Variants in TSNARE1 observed in about 807,000 individuals in gnomAD.
TSNARE1 encodes t-SNARE domain containing 1.
In TSNARE1, 49 loss-of-function variants were observed where a neutral mutation model predicts 62.0. That is an observed-to-expected ratio of 0.79 (90% CI 0.63 to 1.00). The LOEUF is 1.00. Among genes scored for constraint, TSNARE1 ranks in the 50% least tolerant of loss-of-function variants. TSNARE1 has a pLI of 0.00. For synonymous variants in TSNARE1, 328 were observed against 294.4 expected, an observed-to-expected ratio of 1.11 and a Z score of -1.17; for missense variants, 755 against 700.1, an observed-to-expected ratio of 1.08 and a Z score of -0.88.
chr8:142,398,857 C>A (rs764409675), intron 1 of TSNARE1, among the ~76,000 whole-genome samples: 4 of 152,166 alleles, frequency 2.6e-5, no homozygotes, highest in African/African-American at 4.8e-5. Flanking sequence ...ACAGGACCTA[C>A]CCAAGGACAA....
chr8:142,351,005 G>A (rs1251413694), intron 2 of TSNARE1, among the ~76,000 whole-genome samples: 1 of 152,242 alleles, frequency 6.6e-6, no homozygotes, highest in Non-Finnish European at 1.5e-5. Flanking sequence ...CAAACGTGCT[G>A]TCACAGTGGA....
At chr8:142,404,858 C>T (rs1427890708), upstream of TSNARE1, 1 of 152,326 alleles carries the variant, frequency 6.6e-6, no homozygotes, top group Non-Finnish European at 1.5e-5. Flanking sequence ...CCACCTCACT[C>T]AGCCTCCTCT....
chr8:142,315,131 G>T (rs766689838), intron 7 of TSNARE1, 39 bp from the exon 8 acceptor site: 2 of 1,607,602 alleles, frequency 1.2e-6, no homozygotes, highest in Non-Finnish European at 1.7e-6. Context: ...TGGGAGGCTT[G>T]GCCCTGCCCC....
intron 9 of TSNARE1, among the ~76,000 whole-genome samples, chr8:142,309,858 A>G (rs1386532765): frequency 1.3e-5 from 2 of 152,224 alleles, no homozygotes; most frequent in Non-Finnish European, 2.9e-5. Flanking sequence ...ATTCACCCAT[A>G]CAGCTATTGA....
At chr8:142,223,438 AC>A (rs1586771627) in intron 13 of TSNARE1, among the ~76,000 whole-genome samples, 2 of 20,602 alleles carry the variant, frequency 9.7e-5, no homozygotes, top group East Asian at 3.8e-3. Flanking sequence ...TCACTCACTC[AC>A]TAATTCACTC....
At chr8:142,275,712 G>C in intron 11 of TSNARE1, 1 of 985,450 alleles carries the variant, frequency 1.0e-6, no homozygotes, top group Non-Finnish European at 1.2e-6. Context: ...AGAAGAGCTT[G>C]GGAGGCAGGA....
intron 12 of TSNARE1, chr8:142,273,378 G>C (rs997677369): frequency 1.0e-6 from 1 of 985,258 alleles, no homozygotes; most frequent in Non-Finnish European, 1.2e-6. Context: ...CCGTCACCAG[G>C]CGTCACCTTC....
chr8:142,308,838 C>G (rs1423253888), intron 9 of TSNARE1, among the ~76,000 whole-genome samples: 1 of 152,146 alleles, frequency 6.6e-6, no homozygotes, highest in Non-Finnish European at 1.5e-5. Flanking sequence ...TGTATTGAGC[C>G]TACAGATTCA....
At chr8:142,284,673 G>C (rs1822380272) in intron 10 of TSNARE1, among the ~76,000 whole-genome samples, 188 bp from the exon 11 acceptor site, 1 of 152,164 alleles carries the variant, frequency 6.6e-6, no homozygotes, top group South Asian at 2.1e-4. Flanking sequence ...GTCCAGAAAG[G>C]GCCAGGGGTG....
rs1465924009 is a variant in TSNARE1, at chr8:142,291,736, G to A, written c.1291-7251C>T. ...GTGGGGGGCGAGCGTGGGAGCGGCAGGGGTTAGAGGACACCCCTGGAGTCA... is the reference window on the plus strand; with the variant it reads ...GTGGGGGGCGAGCGTGGGAGCGGCAAGGGTTAGAGGACACCCCTGGAGTCA... On this transcript the variant is annotated intron_variant, in intron 10 of 13. Transcript: ENST00000524325. The surrounding 1 kb of genome is among the most constrained non-coding windows in gnomAD (Gnocchi z 4.8). Among the ~76,000 whole-genome samples, 3 of 152,150 alleles carry A rather than the reference G, an allele frequency of 2.0e-5. No homozygotes were observed. The highest frequency in any genetic ancestry group is 4.4e-5 in the Non-Finnish European group (3 of 68,032).
intron 4 of TSNARE1, among the ~76,000 whole-genome samples, chr8:142,335,530 A>C (rs1831637448): frequency 6.6e-6 from 1 of 152,188 alleles, no homozygotes; most frequent in Non-Finnish European, 1.5e-5. Flanking sequence ...AAAAAGAAAC[A>C]AACAGGAATC....
At position 142,217,755 on chromosome 8, in the gene TSNARE1, C is replaced by G. The variant is rs574485735; in HGVS notation, c.*12-5442G>C. Among the ~76,000 whole-genome samples, 7 of 151,920 alleles carry G rather than the reference C, an allele frequency of 4.6e-5. No individual in the cohort carries two copies. In the South Asian group the frequency reaches 1.5e-3, roughly 32 times the overall value. ...ACTAGAATTAGGGTCAGTGTGTGAC[C>G]AGGATCAGAGCTTAGTTTGTGACCA... On this transcript the variant is annotated intron_variant, in intron 13 of 13. Transcript: ENST00000524325.
chr8:142,362,607 C>A (rs967043842), intron 1 of TSNARE1, among the ~76,000 whole-genome samples: 1 of 152,154 alleles, frequency 6.6e-6, no homozygotes, highest in South Asian at 2.1e-4. Flanking sequence ...TGGGGGCCAG[C>A]GCTTCCTCTC....
chr8:142,317,046 T>C lies in TSNARE1; in HGVS notation c.984+1498A>G, dbSNP rs529825288. ...GCTCACACTGTGCACGTGAAGCAGG[T>C]GCGGCCAGCAGCTCACACTGCACAC... is the stretch of plus-strand genomic sequence containing the variant. On this transcript the variant is annotated intron_variant, in intron 7 of 13. Coordinates refer to ENST00000524325, the MANE Select transcript of TSNARE1 (RefSeq NM_145003.5). 2.6e-5 allele frequency among the ~76,000 whole-genome samples: 4 copies of C among 151,944 alleles called. No homozygotes were observed. The East Asian group carries it at 7.8e-4, about 30-fold the overall frequency.
At chr8:142,393,340 G>A (rs540528910) in intron 1 of TSNARE1, among the ~76,000 whole-genome samples, 2 of 152,336 alleles carry the variant, frequency 1.3e-5, no homozygotes, top group African/African-American at 4.8e-5. Context: ...AAGGGTTCAT[G>A]GCAGAAGCAA....
At chr8:142,306,106 T>G (rs972665336) in intron 9 of TSNARE1, among the ~76,000 whole-genome samples, 1 of 152,138 alleles carries the variant, frequency 6.6e-6, no homozygotes, top group African/African-American at 2.4e-5. Flanking sequence ...GCTCACTGTT[T>G]CCTCCAAGCA....
chr8:142,383,630 G>C (rs868108378), intron 1 of TSNARE1, among the ~76,000 whole-genome samples: 12 of 152,310 alleles, frequency 7.9e-5, no homozygotes, highest in Middle Eastern at 3.4e-3. Context: ...CACGGCAGGG[G>C]GCAGGAGTGT....
intron 12 of TSNARE1, among the ~76,000 whole-genome samples, chr8:142,247,244 C>A (rs1470239504): frequency 6.6e-6 from 1 of 152,214 alleles, no homozygotes; most frequent in Non-Finnish European, 1.5e-5. Context: ...GCTGCCTGGA[C>A]TGAGCCCAGC....
intron 1 of TSNARE1, among the ~76,000 whole-genome samples, chr8:142,381,941 C>T (rs1008619180): frequency 5.3e-5 from 8 of 152,314 alleles, no homozygotes; most frequent in South Asian, 2.1e-4. Context: ...CACTCTCAGA[C>T]GCTGCCCAGT....
Sources: allele counts gnomAD v4.1 joint callset (sites outside exome capture counted in the v4.1 genomes callset), GRCh38; gene constraint gnomAD v4.1.1; non-coding constraint Gnocchi (gnomAD v3.1); transcripts MANE v1.5; gene names NCBI Gene and HGNC (gene_info 2026-07-23, HGNC 2026-07-21).